TXLNB: variants seen among roughly 807,000 people sequenced by gnomAD.
The protein encoded by TXLNB is beta-taxilin.
In TXLNB, 37 loss-of-function variants were observed where a neutral mutation model predicts 57.4. That is an observed-to-expected ratio of 0.64 (90% CI 0.50 to 0.85). TXLNB has a LOEUF of 0.85. TXLNB is among the 40% of genes least tolerant of loss of function. The pLI, the probability that TXLNB is intolerant of heterozygous loss-of-function variation, is 0.00. For synonymous variants in TXLNB, 302 were observed against 309.6 expected (o/e 0.98, Z 0.26); for missense variants, 848 against 825.6 (o/e 1.03, Z -0.33).
At chr6:139,253,077 A>C (rs142054959) in intron 7 of TXLNB, among the ~76,000 whole-genome samples, 179 of 152,338 alleles carry the variant, frequency 1.2e-3, no homozygotes, top group African/African-American at 3.9e-3. Context: ...CTATGAAATA[A>C]TACTACTAGT....
intron 8 of TXLNB, among the ~76,000 whole-genome samples, chr6:139,246,356 T>C (rs1776066190): frequency 6.6e-6 from 1 of 152,202 alleles, no homozygotes; most frequent in Non-Finnish European, 1.5e-5. Context: ...GTAAAATTTG[T>C]CATAATATTT....
At chr6:139,314,155 G>C in the TXLNB span, among the ~76,000 whole-genome samples, 1 of 152,182 alleles carries the variant, frequency 6.6e-6, no homozygotes, top group Non-Finnish European at 1.5e-5. Context: ...CTCTTGTGGG[G>C]AAAATCTACA....
At chr6:139,323,771 T>G in the TXLNB span, among the ~76,000 whole-genome samples, 4 of 152,342 alleles carry the variant, frequency 2.6e-5, no homozygotes, top group East Asian at 5.8e-4. Context: ...TCTTCGTTTT[T>G]CCGGGGCCCT....
At chr6:139,271,694 A>G (rs1252415067) in intron 3 of TXLNB, 1 of 152,080 alleles carries the variant, frequency 6.6e-6, no homozygotes, top group African/African-American at 2.4e-5. Flanking sequence ...TGTGGGGAGT[A>G]TGGGGATCAA....
chr6:139,160,055 A>G, the TXLNB span, among the ~76,000 whole-genome samples: 1 of 152,182 alleles, frequency 6.6e-6, no homozygotes, highest in Non-Finnish European at 1.5e-5. Flanking sequence ...ATGCAGGGTA[A>G]GAAAGCTGGG....
At chr6:139,278,122 A>C (rs921781729) in intron 2 of TXLNB, among the ~76,000 whole-genome samples, 1 of 152,240 alleles carries the variant, frequency 6.6e-6, no homozygotes, top group Non-Finnish European at 1.5e-5. Flanking sequence ...AAGGAATTTC[A>C]AAGAGCATCC....
the TXLNB span, among the ~76,000 whole-genome samples, chr6:139,207,238 AC>A: frequency 6.6e-6 from 1 of 152,214 alleles, no homozygotes; most frequent in Non-Finnish European, 1.5e-5. Flanking sequence ...AGGCCACAAA[AC>A]AAGTCTTAAT....
the TXLNB span, among the ~76,000 whole-genome samples, chr6:139,185,838 C>G: frequency 6.6e-6 from 1 of 152,054 alleles, no homozygotes; most frequent in South Asian, 2.1e-4. Flanking sequence ...ATAGTTTTGC[C>G]TATCTTACTT....
At chr6:139,279,756 C>T (rs1187633734) in intron 2 of TXLNB, among the ~76,000 whole-genome samples, 1 of 152,162 alleles carries the variant, frequency 6.6e-6, no homozygotes, top group Non-Finnish European at 1.5e-5. Flanking sequence ...GAAGGAATCA[C>T]CTGCCTTCTC....
At chr6:139,206,492 C>G in the TXLNB span, among the ~76,000 whole-genome samples, 1 of 151,986 alleles carries the variant, frequency 6.6e-6, no homozygotes, top group East Asian at 1.9e-4. Flanking sequence ...CATGGTGAAA[C>G]CCCATCTCTA....
upstream of TXLNB, among the ~76,000 whole-genome samples, chr6:139,294,770 A>T (rs942421553): frequency 6.6e-6 from 1 of 152,134 alleles, no homozygotes; most frequent in African/African-American, 2.4e-5. Context: ...CAGGTGGATC[A>T]CTTGAGGTCA....
the TXLNB span, among the ~76,000 whole-genome samples, chr6:139,161,050 G>A: frequency 6.6e-6 from 1 of 152,112 alleles, no homozygotes; most frequent in Non-Finnish European, 1.5e-5. Context: ...TGTGGTGTGT[G>A]TGTGTCGGGG....
the TXLNB span, among the ~76,000 whole-genome samples, chr6:139,164,795 G>A: frequency 3.8e-5 from 3 of 78,224 alleles, no homozygotes; most frequent in African/African-American, 1.0e-4. Flanking sequence ...CCCCCCCACC[G>A]CCCCCCACCG....
intron 8 of TXLNB, among the ~76,000 whole-genome samples, chr6:139,247,607 AAACC>A (rs1315282429): frequency 6.7e-6 from 1 of 149,736 alleles, no homozygotes; most frequent in Non-Finnish European, 1.5e-5. Flanking sequence ...AGTGAAAATG[AAACC>A]TAGAATTTTT....
chr6:139,178,908 G>A, the TXLNB span: 2 of 152,074 alleles, frequency 1.3e-5, no homozygotes, highest in Admixed American at 6.6e-5. Context: ...TTGATGTTTT[G>A]TTTGAAACAA....
chr6:139,312,114 G>C, the TXLNB span, among the ~76,000 whole-genome samples: 2 of 152,280 alleles, frequency 1.3e-5, no homozygotes, highest in South Asian at 4.2e-4. Flanking sequence ...TGAGTTAAGA[G>C]TGAATAATCC....
chr6:139,230,065 C>T, the TXLNB span, among the ~76,000 whole-genome samples: 1 of 152,182 alleles, frequency 6.6e-6, no homozygotes, highest in Non-Finnish European at 1.5e-5. Context: ...TTAATTAACA[C>T]GTGTGGCAGA....
chr6:139,211,996 G>A, the TXLNB span, among the ~76,000 whole-genome samples: 28 of 152,172 alleles, frequency 1.8e-4, no homozygotes, highest in African/African-American at 4.3e-4. Context: ...CCAAATCTGC[G>A]TCTAATTGGT....
chr6:139,181,393 C>CTCAAG, the TXLNB span, among the ~76,000 whole-genome samples: 1 of 152,232 alleles, frequency 6.6e-6, no homozygotes, highest in African/African-American at 2.4e-5. Flanking sequence ...ATCATGAAAT[C>CTCAAG]TCAAGTCCTG....
Sources: gnomAD v4.1 joint callset for allele counts (sites outside exome capture counted in the v4.1 genomes callset) on GRCh38, gnomAD v4.1.1 for gene constraint, MANE v1.5 for transcripts, NCBI Gene and HGNC (gene_info 2026-07-23, HGNC 2026-07-21) for gene names.